SPATA16: variants seen among roughly 807,000 people sequenced by gnomAD.
The protein encoded by SPATA16 is spermatogenesis associated 16.
SPATA16 carries 36 observed loss-of-function variants against 63.3 expected under a neutral mutation model. The ratio of observed to expected loss-of-function variants is 0.57; its 90% CI spans 0.44 to 0.75. SPATA16 has a LOEUF of 0.75. SPATA16 is among the 30% of genes least tolerant of loss of function. The pLI is 0.00. For synonymous variants in SPATA16, 203 were observed against 216.7 expected, an observed-to-expected ratio of 0.94 and a Z score of 0.56; for missense variants, 646 against 679.3, an observed-to-expected ratio of 0.95 and a Z score of 0.54.
Position 173,117,693 on chromosome 3 carries a change from C to G in SPATA16, c.39G>C (p.Val13=), listed in dbSNP as rs1737945144. 2 of 1,613,978 alleles carry G rather than the reference C, an allele frequency of 1.2e-6. No individual in the cohort carries two copies. Among genetic ancestry groups the G allele is most frequent in the East Asian group, 4.5e-5 (2 of 44,880 alleles). Residue 13 remains valine (V), a synonymous_variant, in exon 2 of 11, where the codon GTG becomes GTC. Transcript: ENST00000351008. ...CAAGCTGATCATGATAGATCCTATT[C>G]ACTGCATTCTCCAAACTCCTACTGC... ...AGSSRSLENA[V]NRIYHDQLVP...
intron 1 of SPATA16, among the ~76,000 whole-genome samples, chr3:173,136,679 C>T (rs1011344176): frequency 6.6e-6 from 1 of 152,164 alleles, no homozygotes; most frequent in Admixed American, 6.5e-5. Context: ...AATAAAGCCT[C>T]TGTGCTTGCT....
At chr3:173,041,829 G>A (rs1037638897) in intron 3 of SPATA16, among the ~76,000 whole-genome samples, 1 of 152,050 alleles carries the variant, frequency 6.6e-6, no homozygotes, top group Admixed American at 6.6e-5. Flanking sequence ...GGGAGGGATA[G>A]CATTAGGAGA....
chr3:172,910,522 A>G (rs1164577063), intron 10 of SPATA16, among the ~76,000 whole-genome samples: 2 of 152,132 alleles, frequency 1.3e-5, no homozygotes, highest in Non-Finnish European at 2.9e-5. Context: ...TGGCTGTGTG[A>G]AATCAACTTT....
chr3:172,900,629 GT>G (rs141299635), intron 10 of SPATA16, among the ~76,000 whole-genome samples: 1 of 150,426 alleles, frequency 6.6e-6, no homozygotes, highest in Non-Finnish European at 1.5e-5. Context: ...AAGAGGTAAT[GT>G]TTTTTTTTGT....
At chr3:173,118,381 A>T (rs767168574) in intron 1 of SPATA16, among the ~76,000 whole-genome samples, 5 of 152,256 alleles carry the variant, frequency 3.3e-5, no homozygotes, top group Non-Finnish European at 5.9e-5. Flanking sequence ...ACTTATCTTT[A>T]GTCTACTGTA....
rs371833384 is a variant in SPATA16 at position 172,944,174 on chromosome 3, A to G, written c.1081+12503T>C. 5.9e-4 allele frequency among the ~76,000 whole-genome samples: 90 copies of G among 152,344 alleles called. 1 individual carries two copies. Among genetic ancestry groups the G allele is most frequent in the African/African-American group, 1.8e-3 (75 of 41,588 alleles). Reference sequence around the variant, plus strand: ...CTACAATTCGAAAACAGCAACAAAAAACAACTCAATTAAAAAATTGGGAAA... The same window carrying G: ...CTACAATTCGAAAACAGCAACAAAAGACAACTCAATTAAAAAATTGGGAAA... On this transcript the variant is annotated intron_variant, in intron 6 of 10. Transcript: ENST00000351008.
At chr3:173,043,194 A>C (rs937296195) in intron 3 of SPATA16, among the ~76,000 whole-genome samples, 3 of 152,058 alleles carry the variant, frequency 2.0e-5, no homozygotes, top group African/African-American at 7.2e-5. Flanking sequence ...CTCTGCCATC[A>C]TGCTTCTGTT....
chr3:172,959,662 C>G (rs947651182), intron 5 of SPATA16, among the ~76,000 whole-genome samples: 2 of 152,028 alleles, frequency 1.3e-5, no homozygotes, highest in African/African-American at 4.8e-5. Context: ...ATGACCCTTG[C>G]ACCAGATCTT....
chr3:172,947,528 A>AACAGCC (rs748218789), intron 6 of SPATA16, among the ~76,000 whole-genome samples: 3 of 152,086 alleles, frequency 2.0e-5, no homozygotes, highest in African/African-American at 4.8e-5. Context: ...AGAATATCTG[A>AACAGCC]ATATTGTTTA....
intron 1 of SPATA16, among the ~76,000 whole-genome samples, chr3:173,140,351 T>C (rs1005898477): frequency 6.6e-6 from 1 of 152,206 alleles, no homozygotes; most frequent in Non-Finnish European, 1.5e-5. Flanking sequence ...TAATATTTTA[T>C]GGGTAATAAA....
At chr3:173,104,509 C>T (rs755950810) in intron 2 of SPATA16, among the ~76,000 whole-genome samples, 3 of 152,140 alleles carry the variant, frequency 2.0e-5, no homozygotes, top group Non-Finnish European at 2.9e-5. Context: ...TGCTTTTAAT[C>T]ATGATGGAAA....
At chr3:172,938,690 A>C (rs1733070525) in intron 6 of SPATA16, among the ~76,000 whole-genome samples, 1 of 152,188 alleles carries the variant, frequency 6.6e-6, no homozygotes, top group South Asian at 2.1e-4. Context: ...TAAATAAATA[A>C]CTTGATAAGC....
chr3:173,060,991 G>C (rs1736366554), intron 2 of SPATA16, among the ~76,000 whole-genome samples: 1 of 152,032 alleles, frequency 6.6e-6, no homozygotes, highest in Admixed American at 6.5e-5. Flanking sequence ...TTGAGTTGGT[G>C]GTTTTTCTAG....
At position 173,122,428 on chromosome 3, in the gene SPATA16, C is replaced by T. The variant is rs115361899; in HGVS notation, c.-18-4679G>A. Among the ~76,000 whole-genome samples, 313 of 151,990 alleles carry T rather than the reference C, an allele frequency of 2.1e-3. 2 individuals are homozygous for T. The highest frequency in any genetic ancestry group is 7.1e-3 in the African/African-American group (295 of 41,444). ...TTTTGGTTGAAATAGGCAGCTCAAA[C>T]ATGGGCAATTCAGCAAAAGAGAATC... On this transcript the variant is annotated intron_variant, in intron 1 of 10. Transcript: ENST00000351008.
chr3:173,085,814 C>T (rs899671810), intron 2 of SPATA16, among the ~76,000 whole-genome samples: 4 of 152,038 alleles, frequency 2.6e-5, no homozygotes, highest in Admixed American at 6.6e-5. Context: ...TGATGAATTA[C>T]GTTTATTGAT....
At chr3:172,954,409 G>T (rs1265308771) in intron 6 of SPATA16, among the ~76,000 whole-genome samples, 1 of 152,140 alleles carries the variant, frequency 6.6e-6, no homozygotes, top group East Asian at 1.9e-4. Flanking sequence ...ACACTTGGGG[G>T]TTATTACAAT....
chr3:173,069,255 AAAAG>A (rs1263339214), intron 2 of SPATA16, among the ~76,000 whole-genome samples: 8 of 152,180 alleles, frequency 5.3e-5, no homozygotes, highest in East Asian at 3.8e-4. Flanking sequence ...GACTAAGAAA[AAAAG>A]AAAGAAGAGC....
At chr3:172,953,056 T>C (rs1733479875) in intron 6 of SPATA16, among the ~76,000 whole-genome samples, 1 of 152,172 alleles carries the variant, frequency 6.6e-6, no homozygotes, top group Non-Finnish European at 1.5e-5. Context: ...ATAATTCTTT[T>C]AATTAGAGTC....
At chr3:173,016,660 A>G (rs1162718551) in intron 4 of SPATA16, among the ~76,000 whole-genome samples, 1 of 152,224 alleles carries the variant, frequency 6.6e-6, no homozygotes, top group Admixed American at 6.5e-5. Flanking sequence ...ATTTTGACAT[A>G]AAATACTTGT....
Sources: allele counts gnomAD v4.1 joint callset (sites outside exome capture counted in the v4.1 genomes callset), GRCh38; gene constraint gnomAD v4.1.1; transcripts MANE v1.5; gene names NCBI Gene and HGNC (gene_info 2026-07-23, HGNC 2026-07-21).